GASK1B: variants seen among roughly 807,000 people sequenced by gnomAD.
GASK1B encodes Golgi-associated kinase 1B.
Under a neutral mutation model 42.8 loss-of-function variants are expected in GASK1B, and 34 were observed. The ratio of observed to expected loss-of-function variants is 0.79; its 90% confidence interval spans 0.60 to 1.06. The LOEUF is 1.06. GASK1B is among the 50% of genes least tolerant of loss of function. The pLI is 0.00. For missense variants in GASK1B, 686 were observed against 661.0 expected (o/e 1.04, Z -0.42); for synonymous variants, 262 against 259.1 (o/e 1.01, Z -0.11).
intron 3 of GASK1B, among the ~76,000 whole-genome samples, chr4:158,149,368 G>A (rs995051247): frequency 6.6e-6 from 1 of 152,176 alleles, no homozygotes; most frequent in African/African-American, 2.4e-5. Flanking sequence ...ACACACAATA[G>A]ATGTTGCATA....
chr4:158,171,326 G>A lies in GASK1B; in HGVS notation c.50C>T (p.Ser17Phe). The part of the protein sequence containing the change: ...PGQLINWFIC[S>F]LCVPRVRKLW... ...CTTACGCACCCGCGGGACGCACAGG[G>A]AGCAGATGAACCAGTTTATGAGCTG... Residue 17 changes from serine to phenylalanine, a missense_variant, in exon 2 of 5, where the codon TCC (serine) becomes TTC (phenylalanine). Transcript: ENST00000585682. The A allele has an allele frequency of 1.2e-6, 2 of 1,611,340 alleles. No homozygotes were observed. The highest frequency in any genetic ancestry group is 1.7e-6 in the Non-Finnish European group (2 of 1,178,504).
At chr4:158,129,247 G>A (rs2110922622) in intron 4 of GASK1B, among the ~76,000 whole-genome samples, 1 of 152,270 alleles carries the variant, frequency 6.6e-6, no homozygotes, top group South Asian at 2.1e-4. Context: ...GTATGAAATG[G>A]ATGGACTGTA....
At chr4:158,131,556 T>C (rs982242250) in intron 3 of GASK1B, among the ~76,000 whole-genome samples, 2 of 152,118 alleles carry the variant, frequency 1.3e-5, no homozygotes, top group Non-Finnish European at 2.9e-5. Context: ...AAAAGCACTA[T>C]CTAAATGGAG....
At chr4:158,138,812 A>T (rs1731006489) in intron 3 of GASK1B, among the ~76,000 whole-genome samples, 1 of 152,164 alleles carries the variant, frequency 6.6e-6, no homozygotes, top group Admixed American at 6.5e-5. Context: ...TTTTGAAAAA[A>T]TAAATTAATT....
intron 2 of GASK1B, among the ~76,000 whole-genome samples, chr4:158,161,424 C>G (rs981434080): frequency 1.3e-5 from 2 of 152,164 alleles, no homozygotes; most frequent in African/African-American, 4.8e-5. Flanking sequence ...TTAAAATAAT[C>G]TCCATACTTC....
intron 3 of GASK1B, among the ~76,000 whole-genome samples, chr4:158,140,801 C>G (rs1043096170): frequency 6.6e-6 from 1 of 152,164 alleles, no homozygotes; most frequent in African/African-American, 2.4e-5. Flanking sequence ...TCTAGCCCAG[C>G]TATGTCTATA....
chr4:158,166,719 T>C (rs1255339063), intron 2 of GASK1B, among the ~76,000 whole-genome samples: 2 of 151,984 alleles, frequency 1.3e-5, no homozygotes, highest in African/African-American at 4.8e-5. Context: ...TTTTGTCTCC[T>C]TGAGGAAAAA....
intron 4 of GASK1B, among the ~76,000 whole-genome samples, chr4:158,128,401 T>A (rs1476281659): frequency 1.3e-5 from 2 of 152,088 alleles, no homozygotes; most frequent in Non-Finnish European, 2.9e-5. Context: ...AAGCCAGGAG[T>A]CCAGCATATA....
rs1465920581 is a variant in GASK1B at position 158,125,661 on chromosome 4, G to A, written c.*1746C>T. ...CAAGGAGTACTATAAATCTGTAGAAGCAGAGGGAGACACTCGGGTCAATAG... is the reference window on the plus strand; with the variant it reads ...CAAGGAGTACTATAAATCTGTAGAAACAGAGGGAGACACTCGGGTCAATAG... On this transcript the variant is annotated 3_prime_UTR_variant, in exon 5 of 5. Transcript: ENST00000585682. The A allele has an allele frequency of 1.3e-5, 2 of 152,124 alleles. No homozygotes were observed. The highest frequency in any genetic ancestry group is 1.5e-5 in the Non-Finnish European group (1 of 68,008). The allele number at this position is 152,124 out of a possible 1,614,324, so 9.4% of individuals were successfully genotyped here.
At chr4:158,140,317 T>C (rs541988167) in intron 3 of GASK1B, among the ~76,000 whole-genome samples, 2 of 152,306 alleles carry the variant, frequency 1.3e-5, no homozygotes, top group South Asian at 4.1e-4. Flanking sequence ...GTGATATGTG[T>C]CCATAAACAT....
At position 158,127,580 on chromosome 4, in the gene GASK1B, G is replaced by A. The variant is rs1234529830; in HGVS notation, c.1387C>T (p.Gln463Ter). The change falls in exon 5 of 5, where the codon CAG becomes TAG. Residue 463 changes from glutamine (Q) to a stop codon, truncating the protein, a stop_gained. Transcript: ENST00000585682. LOFTEE classifies it high-confidence loss of function. ...PASAVSVLKS[Q>*]HLRQKLLQSL... ...TGAAGAAGTTTCTGCCGTAAGTGCT[G>A]GCTCTTCAAAACAGAAACTGCAGAA... The A allele has an allele frequency of 6.2e-7, 1 of 1,613,278 alleles. No individual in the cohort carries two copies. The highest frequency in any genetic ancestry group is 1.1e-5 in the South Asian group (1 of 91,050).
intron 1 of GASK1B, 22 bp downstream of exon 1, chr4:158,172,846 A>T (rs994686341): frequency 2.0e-5 from 3 of 152,210 alleles, no homozygotes; most frequent in African/African-American, 7.2e-5. Context: ...TTAGAGCACA[A>T]GCGTTCCCAG....
chr4:158,169,127 T>C (rs959433703), intron 2 of GASK1B: 1 of 152,104 alleles, frequency 6.6e-6, no homozygotes, highest in Non-Finnish European at 1.5e-5. Flanking sequence ...ATAATAATAG[T>C]CCCCACTTCA....
intron 2 of GASK1B, chr4:158,169,012 G>T (rs1732343646): frequency 6.6e-6 from 1 of 152,160 alleles, no homozygotes; most frequent in African/African-American, 2.4e-5. Context: ...TCTGAAGTTT[G>T]CTGGGTCTAT....
intron 2 of GASK1B, chr4:158,170,128 T>C: frequency 2.7e-6 from 3 of 1,131,154 alleles, no homozygotes; most frequent in Admixed American, 2.6e-5. Context: ...GTTCTTTGCC[T>C]CCAGCCTAGC....
intron 3 of GASK1B, among the ~76,000 whole-genome samples, chr4:158,133,649 A>G (rs981421755): frequency 6.6e-6 from 1 of 152,248 alleles, no homozygotes; most frequent in Non-Finnish European, 1.5e-5. Context: ...GATTTAGGTC[A>G]TCTTTTTATT....
Position 158,171,127 on chromosome 4 carries a change from C to G in GASK1B, c.249G>C (p.Glu83Asp), listed in dbSNP as rs1465405135. The G allele has an allele frequency of 6.2e-7, 1 of 1,608,680 alleles. No homozygotes were observed. The highest frequency in any genetic ancestry group is 1.7e-5 in the Admixed American group (1 of 59,812). The change falls in exon 2 of 5, where the codon GAG becomes GAC. Residue 83 changes from glutamate to aspartate, a missense_variant. Transcript: ENST00000585682. The stretch of plus-strand genomic sequence containing the variant: ...GGGCCAGGGTACCATCCAGGGGTAT[C>G]TCAGGGAAGGATGGCTCGGCGGTGT... ...SRDTAEPSFP[E>D]IPLDGTLAPP...
At chr4:158,139,455 C>G (rs553909112) in intron 3 of GASK1B, among the ~76,000 whole-genome samples, 1 of 152,128 alleles carries the variant, frequency 6.6e-6, no homozygotes, top group Non-Finnish European at 1.5e-5. Context: ...ATCACAGAAT[C>G]TTAGAATCAC....
chr4:158,154,165 G>GA (rs202053643), intron 3 of GASK1B, among the ~76,000 whole-genome samples: 12 of 129,732 alleles, frequency 9.2e-5, no homozygotes, highest in African/African-American at 2.3e-4. Context: ...AAATCAGCAA[G>GA]AAAAAAAAAA....
Sources: gnomAD v4.1 joint callset for allele counts (sites outside exome capture counted in the v4.1 genomes callset) on GRCh38, gnomAD v4.1.1 for gene constraint, MANE v1.5 for transcripts, NCBI Gene and HGNC (gene_info 2026-07-23, HGNC 2026-07-21) for gene names.